Variants in MYO5A observed in about 807,000 individuals in gnomAD.
MYO5A encodes myosin VA, also known as unconventional myosin-Va.
A neutral mutation model predicts 249.7 loss-of-function variants in MYO5A; 98 were observed. The ratio of observed to expected loss-of-function variants is 0.39; its 90% CI spans 0.33 to 0.46. The LOEUF (loss-of-function observed/expected upper bound fraction) is 0.46. Among genes scored for constraint, MYO5A ranks in the 20% least tolerant of loss-of-function variants. MYO5A has a pLI of 0.98. For missense variants in MYO5A, 1,696 were observed against 2,308.8 expected (o/e 0.73, Z 5.44); for synonymous variants, 778 against 810.6 (o/e 0.96, Z 0.68).
Position 52,309,494 on chromosome 15 carries a change from G to A in MYO5A, c.*4202C>T, listed in dbSNP as rs1322963853. ...CACGTGACCTCACGACATTTTTAAA[G>A]TCTCCTGCATCACAGGTGCCCACAC... On this transcript the variant is annotated 3_prime_UTR_variant, in exon 42 of 42. Coordinates refer to ENST00000399233, the MANE Select transcript of MYO5A (RefSeq NM_001382347.1). 1 of 152,194 alleles carries A rather than the reference G, an allele frequency of 6.6e-6. No individual in the cohort carries two copies. Among genetic ancestry groups the A allele is most frequent in the East Asian group, 1.9e-4 (1 of 5,196 alleles). The allele number at this position is 152,194 out of a possible 1,614,324, so 9.4% of individuals were successfully genotyped here.
chr15:52,341,381 A>G (rs892964024), intron 31 of MYO5A, among the ~76,000 whole-genome samples: 2 of 152,244 alleles, frequency 1.3e-5, no homozygotes, highest in Non-Finnish European at 1.5e-5. Context: ...ACAAATATTA[A>G]TAGGACCAAA....
intron 4 of MYO5A, among the ~76,000 whole-genome samples, chr15:52,421,245 G>A (rs571932656): frequency 4.6e-5 from 7 of 152,104 alleles, no homozygotes; most frequent in South Asian, 2.1e-4. Context: ...CCGCTGGACC[G>A]TGGCACACCC....
chr15:52,379,736 A>T lies in MYO5A; in HGVS notation c.2100-3T>A, dbSNP rs770417713. 1 of 1,614,130 alleles carries T rather than the reference A, an allele frequency of 6.2e-7. No individual in the cohort carries two copies. Among genetic ancestry groups the T allele is most frequent in the Admixed American group, 1.7e-5 (1 of 60,026 alleles). ...TGAAAAATTCTTGGTAAGTCCACCT[A>T]TTAAAAGAAAACCATCTGAGTTTAC... is the stretch of plus-strand genomic sequence containing the variant. On this transcript the variant is annotated splice_polypyrimidine_tract_variant and splice_region_variant and intron_variant, in intron 17 of 41. Transcript: ENST00000399233.
intron 1 of MYO5A, among the ~76,000 whole-genome samples, chr15:52,523,510 C>T (rs1426859595): frequency 1.3e-5 from 2 of 152,142 alleles, no homozygotes; most frequent in Non-Finnish European, 2.9e-5. Context: ...GTAAACAAAA[C>T]AGCATGTCAG....
rs975730696 is a variant in MYO5A, at chr15:52,397,336, T to C, written c.1184A>G (p.Gln395Arg). The C allele has an allele frequency of 1.2e-5, 19 of 1,613,994 alleles. No individual in the cohort carries two copies. Among genetic ancestry groups the C allele is most frequent in the African/African-American group, 2.7e-5 (2 of 74,906 alleles). The change falls in exon 10 of 42, where the codon CAG becomes CGG. Residue 395 changes from glutamine to arginine, a missense_variant. By Grantham distance (43) the Gln-to-Arg change is conservative (BLOSUM62 1). Coordinates refer to ENST00000399233, the MANE Select transcript of MYO5A (RefSeq NM_001382347.1). The stretch of plus-strand genomic sequence containing the variant: ...CAAAGCATCGCGGGCATTCGTGGCC[T>C]GCAGCTTGGAGATGGGCTTGATGTA... ...ETYIKPISKL[Q>R]ATNARDALAK... is the part of the protein sequence containing the mutation.
intron 1 of MYO5A, among the ~76,000 whole-genome samples, chr15:52,510,927 T>G (rs1338117337): frequency 6.6e-6 from 1 of 152,238 alleles, no homozygotes; most frequent in East Asian, 1.9e-4. Context: ...TGAACTCAAA[T>G]GAGACATCCT....
At position 52,383,177 on chromosome 15, in the gene MYO5A, G is replaced by C. The variant is rs755808925; in HGVS notation, c.1926C>G (p.Ser642=). 81 of 1,613,414 alleles carry C rather than the reference G, an allele frequency of 5.0e-5. No individual in the cohort carries two copies. Among genetic ancestry groups the C allele is most frequent in the Non-Finnish European group, 6.6e-5 (78 of 1,179,542 alleles). Residue 642 remains serine (S), a synonymous_variant, in exon 16 of 42, where the codon TCC becomes TCG. Coordinates refer to ENST00000399233, the MANE Select transcript of MYO5A (RefSeq NM_001382347.1). ...TGAGTGTCTCCATAAGCAGGTGCAGGGAGTTTCTGAACTGCATGAAAAAGG... is the reference window on the plus strand; with the variant it reads ...TGAGTGTCTCCATAAGCAGGTGCAGCGAGTTTCTGAACTGCATGAAAAAGG... ...KKTVGHQFRN[S]LHLLMETLNA... is the part of the protein sequence containing the mutation.
chr15:52,435,200 G>A (rs1273917827), intron 1 of MYO5A, among the ~76,000 whole-genome samples: 1 of 150,756 alleles, frequency 6.6e-6, no homozygotes, highest in East Asian at 2.0e-4. Flanking sequence ...TGAGATTCAA[G>A]ATAATTTAAA....
At position 52,428,606 on chromosome 15, in the gene MYO5A, T is replaced by C. The variant is rs140024785; in HGVS notation, c.139-37A>G. The C allele has an allele frequency of 2.4e-4, 390 of 1,608,296 alleles. 1 individual carries two copies. In the African/African-American group the frequency reaches 4.5e-3, roughly 19 times the overall value. On this transcript the variant is annotated intron_variant, in intron 2 of 41. Transcript: ENST00000399233. Reference sequence around the variant, plus strand: ...CAAGGCACAGCATCTGGATGAATTATGGCAAGGACTGTGAAAGAGGCCCAT... The same window carrying C: ...CAAGGCACAGCATCTGGATGAATTACGGCAAGGACTGTGAAAGAGGCCCAT...
chr15:52,383,198 A>G lies in MYO5A; in HGVS notation c.1915-10T>C, dbSNP rs1033920498. The G allele has an allele frequency of 6.3e-7, 1 of 1,598,654 alleles. No individual in the cohort carries two copies. Among genetic ancestry groups the G allele is most frequent in the Admixed American group, 1.7e-5 (1 of 60,006 alleles). On this transcript the variant is annotated splice_polypyrimidine_tract_variant and intron_variant, in intron 15 of 41. Coordinates refer to ENST00000399233, the MANE Select transcript of MYO5A (RefSeq NM_001382347.1). ...GCAGGGAGTTTCTGAACTGCATGAAAAAGGGCAGAAGAGGGTATCAAGGCT... is the reference window on the plus strand; with the variant it reads ...GCAGGGAGTTTCTGAACTGCATGAAGAAGGGCAGAAGAGGGTATCAAGGCT...
chr15:52,313,102 T>C lies in MYO5A; in HGVS notation c.*594A>G, dbSNP rs1028021273. On this transcript the variant is annotated 3_prime_UTR_variant, in exon 42 of 42. Transcript: ENST00000399233. ...CAGTAAACTATAGTACAAATGGACA[T>C]CTATACTATTTAGCAAACCAACATT... The C allele has an allele frequency of 1.3e-5, 2 of 155,828 alleles. No individual in the cohort carries two copies. Among genetic ancestry groups the C allele is most frequent in the East Asian group, 1.9e-4 (1 of 5,278 alleles). 9.7% of individuals were successfully genotyped at this position (155,828 alleles called of 1,614,324 possible).
intron 1 of MYO5A, chr15:52,505,733 G>T: frequency 6.9e-7 from 1 of 1,453,706 alleles, no homozygotes; most frequent in Non-Finnish European, 9.6e-7. Flanking sequence ...GTGGGATACA[G>T]AATTAAGAAA....
At position 52,423,562 on chromosome 15, in the gene MYO5A, A is replaced by AAAAG. The variant is rs1555448854; in HGVS notation, c.455+2267_455+2268insCTTT. On this transcript the variant is annotated intron_variant, in intron 4 of 41. Coordinates refer to ENST00000399233, the MANE Select transcript of MYO5A (RefSeq NM_001382347.1). ...GCAAGACTCCGTCTTAAAAAAAAAA[A>AAAAG]AAAAGAAAACAATGGCAAGAAATGA... Among the ~76,000 whole-genome samples, 247 of 149,214 alleles carry AAAAG rather than the reference A, an allele frequency of 1.7e-3. 2 individuals carry two copies. Among genetic ancestry groups the AAAAG allele is most frequent in the South Asian group, 5.3e-3 (25 of 4,720 alleles).
chr15:52,515,926 G>A (rs964291486), intron 1 of MYO5A, among the ~76,000 whole-genome samples: 1 of 152,180 alleles, frequency 6.6e-6, no homozygotes, highest in Non-Finnish European at 1.5e-5. Context: ...AAAGCAGACA[G>A]AGAGAAAGGA....
At chr15:52,428,594 C>G (rs911781913) in intron 2 of MYO5A, 25 bp from the exon 3 acceptor site, 12 of 1,613,152 alleles carry the variant, frequency 7.4e-6, no homozygotes, top group Non-Finnish European at 1.0e-5. Flanking sequence ...GGCACAGCAT[C>G]TGGATGAATT....
At chr15:52,452,257 G>A (rs2076034950) in intron 1 of MYO5A, among the ~76,000 whole-genome samples, 2 of 152,078 alleles carry the variant, frequency 1.3e-5, no homozygotes, top group South Asian at 4.1e-4. Context: ...TGAGCAGATG[G>A]TAAGATAATC....
intron 1 of MYO5A, among the ~76,000 whole-genome samples, chr15:52,460,123 C>A (rs1424374355): frequency 2.0e-5 from 3 of 151,200 alleles, no homozygotes; most frequent in Non-Finnish European, 2.9e-5. Flanking sequence ...ACCTCCTAGA[C>A]GGGATGACGG....
At chr15:52,513,587 G>A (rs2077439560) in intron 1 of MYO5A, among the ~76,000 whole-genome samples, 1 of 151,496 alleles carries the variant, frequency 6.6e-6, no homozygotes, top group African/African-American at 2.4e-5. Flanking sequence ...ACCACGTCCA[G>A]CTAATTTTTT....
rs545240872 is a variant in MYO5A at position 52,367,019 on chromosome 15, T to C, written c.3160+12A>G. 155 of 1,611,656 alleles carry C rather than the reference T, an allele frequency of 9.6e-5. No homozygotes were observed. The South Asian group carries it at 1.6e-3, about 16-fold the overall frequency. ...GAGGTTGGTTGGCGTGTAGTACGCA[T>C]ATAAGCTTTACCTGTCATCTCCTTA... On this transcript the variant is annotated intron_variant, in intron 23 of 41. Coordinates refer to ENST00000399233, the MANE Select transcript of MYO5A (RefSeq NM_001382347.1).
Sources: allele counts gnomAD v4.1 joint callset (sites outside exome capture counted in the v4.1 genomes callset), GRCh38; gene constraint gnomAD v4.1.1; transcripts MANE v1.5; gene names NCBI Gene and HGNC (gene_info 2026-07-23, HGNC 2026-07-21).